TBC1D1: variants seen among roughly 807,000 people sequenced by gnomAD.
TBC1D1 encodes the protein TBC1 (tre-2/USP6, BUB2, cdc16) domain family, member 1.
TBC1D1 carries 89 observed loss-of-function variants against 125.6 expected under a neutral mutation model. The observed-to-expected ratio is 0.71, with a 90% CI of 0.60 to 0.85. The LOEUF is 0.85. Ranked by LOEUF, TBC1D1 falls within the 40% of genes least tolerant of loss-of-function variation. The pLI is 0.00. For missense variants in TBC1D1, 1,377 were observed against 1,469.2 expected (o/e 0.94, Z 1.03); for synonymous variants, 565 against 564.1 (o/e 1.00, Z -0.02).
At chr4:38,049,946 G>A in intron 11 of TBC1D1, 48 bp downstream of exon 11, 1 of 1,563,522 alleles carries the variant, frequency 6.4e-7, no homozygotes, top group Admixed American at 1.8e-5. Context: ...GCATATCTGT[G>A]ACTAGCCAGG....
intron 12 of TBC1D1, among the ~76,000 whole-genome samples, chr4:38,070,617 T>C (rs1383705599): frequency 3.3e-5 from 5 of 152,248 alleles, no homozygotes; most frequent in Non-Finnish European, 5.9e-5. Flanking sequence ...TTGGAATATT[T>C]ACCAAATGTG....
chr4:38,027,444 G>A (rs930861630), intron 6 of TBC1D1, among the ~76,000 whole-genome samples: 5 of 152,136 alleles, frequency 3.3e-5, no homozygotes, highest in African/African-American at 4.8e-5. Flanking sequence ...GCAACATGGC[G>A]AAACCTTGTC....
At chr4:38,114,201 TA>T (rs1337560688) in intron 15 of TBC1D1, among the ~76,000 whole-genome samples, 1 of 152,136 alleles carries the variant, frequency 6.6e-6, no homozygotes, top group East Asian at 1.9e-4. Context: ...ACAGAGTGGA[TA>T]ATTTGTTCTT....
chr4:38,130,796 A>C (rs929626854), intron 18 of TBC1D1, among the ~76,000 whole-genome samples: 1 of 152,194 alleles, frequency 6.6e-6, no homozygotes, highest in South Asian at 2.1e-4. Flanking sequence ...CCTAGTTTTT[A>C]ATATTCGTCT....
At chr4:38,043,881 A>T (rs1748900011) in intron 8 of TBC1D1, among the ~76,000 whole-genome samples, 1 of 152,232 alleles carries the variant, frequency 6.6e-6, no homozygotes, top group Non-Finnish European at 1.5e-5. Context: ...ATGCCCCCAA[A>T]GGTAAGTTAT....
intron 12 of TBC1D1, among the ~76,000 whole-genome samples, chr4:38,083,861 C>A (rs920042488): frequency 2.6e-5 from 4 of 151,598 alleles, no homozygotes; most frequent in African/African-American, 7.3e-5. Flanking sequence ...CTGATTCATA[C>A]TTGGATTTCT....
At chr4:38,117,524 A>G (rs1763173885) in intron 16 of TBC1D1, among the ~76,000 whole-genome samples, 1 of 152,192 alleles carries the variant, frequency 6.6e-6, no homozygotes, top group African/African-American at 2.4e-5. Context: ...TATATTATAC[A>G]CCAAAAGAAA....
chr4:37,982,364 T>A (rs1261242962), intron 2 of TBC1D1, among the ~76,000 whole-genome samples: 1 of 152,260 alleles, frequency 6.6e-6, no homozygotes, highest in African/African-American at 2.4e-5. Context: ...TTTAAAATTT[T>A]TTTTTCTTCT....
chr4:38,104,223 C>T (rs552492559), intron 15 of TBC1D1, among the ~76,000 whole-genome samples: 116 of 148,590 alleles, frequency 7.8e-4, no homozygotes, highest in Non-Finnish European at 7.9e-4. Flanking sequence ...GCAAACATAG[C>T]ACCATCTTAT....
intron 1 of TBC1D1, among the ~76,000 whole-genome samples, chr4:37,895,133 T>C (rs1714275261): frequency 6.6e-6 from 1 of 152,226 alleles, no homozygotes. Context: ...TCTTATAGTA[T>C]GGCCTTGGGC....
intron 12 of TBC1D1, among the ~76,000 whole-genome samples, chr4:38,068,771 T>C (rs1232330852): frequency 1.3e-5 from 2 of 152,204 alleles, no homozygotes; most frequent in Admixed American, 6.5e-5. Flanking sequence ...TCAGCAATAT[T>C]GTGAGAGTGG....
At chr4:38,002,633 T>TA (rs1348359363) in intron 2 of TBC1D1, among the ~76,000 whole-genome samples, 3 of 152,368 alleles carry the variant, frequency 2.0e-5, no homozygotes, top group Non-Finnish European at 4.4e-5. Flanking sequence ...ACTAGGCACT[T>TA]ACTTTGTCCT....
In TBC1D1 at chr4:38,137,303, G is replaced by A; in HGVS notation, c.3475G>A (p.Glu1159Lys). The A allele has an allele frequency of 6.2e-7, 1 of 1,611,432 alleles. No homozygotes were observed. The highest frequency in any genetic ancestry group is 8.5e-7 in the Non-Finnish European group (1 of 1,179,786). ...CGCAGAGCCCAGCGACCGGGAGCCT[G>A]AGTGCACGCAGCCCGAGCCCACGGG... Residue 1159 changes from glutamate (E) to lysine (K), a missense_variant, in exon 20 of 20, where the codon GAG becomes AAG. This residue lies in a region of TBC1D1 where 543 missense variants were observed against 613.5 expected (regional missense o/e 0.89). Coordinates refer to ENST00000261439, the MANE Select transcript of TBC1D1 (RefSeq NM_015173.4).
At chr4:38,132,731 T>C (rs1438224238) in intron 18 of TBC1D1, 1 of 173,166 alleles carries the variant, frequency 5.8e-6, no homozygotes, top group Non-Finnish European at 1.4e-5. Flanking sequence ...GTATCTAACC[T>C]AACAGAATTT....
At chr4:38,020,225 G>A (rs549739993) in intron 4 of TBC1D1, among the ~76,000 whole-genome samples, 3 of 152,202 alleles carry the variant, frequency 2.0e-5, no homozygotes, top group South Asian at 2.1e-4. Context: ...AGTGGTTCAC[G>A]CCTGTAATCC....
chr4:38,001,841 A>G (rs979901054), intron 2 of TBC1D1, among the ~76,000 whole-genome samples: 3 of 152,236 alleles, frequency 2.0e-5, no homozygotes, highest in Non-Finnish European at 2.9e-5. Flanking sequence ...AAGTTACAGT[A>G]AGTTATTGAC....
chr4:38,136,036 C>A (rs1482584226), intron 19 of TBC1D1, among the ~76,000 whole-genome samples: 1 of 151,762 alleles, frequency 6.6e-6, no homozygotes, highest in Admixed American at 6.6e-5. Flanking sequence ...TAGACCAAGT[C>A]ACAGAGCACT....
In TBC1D1 at chr4:37,981,221, G is replaced by T. The variant is rs188964321; in HGVS notation, c.418-33288G>T. ...GCCTCCCAAAGTGTTGGGATTACAG[G>T]TGTGAGCCATTGCATCCAGCCCACA... On this transcript the variant is annotated intron_variant, in intron 2 of 19. Coordinates refer to ENST00000261439, the MANE Select transcript of TBC1D1 (RefSeq NM_015173.4). 6.6e-5 allele frequency among the ~76,000 whole-genome samples: 10 copies of T among 152,288 alleles called. 1 individual carries two copies. In the East Asian group the frequency reaches 1.9e-3, roughly 29 times the overall value.
intron 1 of TBC1D1, among the ~76,000 whole-genome samples, chr4:37,897,714 A>T (rs550611186): frequency 2.2e-4 from 33 of 152,368 alleles, no homozygotes; most frequent in African/African-American, 7.7e-4. Context: ...GATAGAGCTC[A>T]GATTTATCCT....
Sources: allele counts gnomAD v4.1 joint callset (sites outside exome capture counted in the v4.1 genomes callset), GRCh38; gene constraint gnomAD v4.1.1; regional missense constraint gnomAD v4.1.1; transcripts MANE v1.5; gene names NCBI Gene and HGNC (gene_info 2026-07-23, HGNC 2026-07-21).